The following ZNF33B variants were observed in gnomAD, a reference collection of about 807,000 sequenced individuals.
ZNF33B encodes zinc finger protein 33B.
Under a neutral mutation model 45.8 loss-of-function variants are expected in ZNF33B, and 29 were observed. That is an observed-to-expected ratio of 0.63 (90% CI 0.47 to 0.86). The LOEUF (loss-of-function observed/expected upper bound fraction) is 0.86, where lower values mean the gene tolerates loss of function less well. ZNF33B is among the 40% of genes least tolerant of loss of function. The pLI is 0.00. For missense variants in ZNF33B, 831 were observed against 909.9 expected (o/e 0.91, Z 1.12); for synonymous variants, 305 against 307.8 (o/e 0.99, Z 0.10).
intron 2 of ZNF33B, among the ~76,000 whole-genome samples, chr10:42,635,409 G>A (rs144950208): frequency 3.8e-4 from 58 of 151,786 alleles, no homozygotes; most frequent in African/African-American, 1.3e-3. Flanking sequence ...CTGCAGGAGG[G>A]CTGGCAATGT....
At chr10:42,581,325 G>A (rs1459310599) in intron 1 of ZNF33B, among the ~76,000 whole-genome samples, 7 of 151,938 alleles carry the variant, frequency 4.6e-5, no homozygotes, top group Admixed American at 6.6e-5. Context: ...TTAGCCAGGC[G>A]TGGTGGTATC....
At chr10:42,597,956 C>G (rs1050089062) in intron 4 of ZNF33B, among the ~76,000 whole-genome samples, 6 of 152,120 alleles carry the variant, frequency 3.9e-5, no homozygotes, top group African/African-American at 1.4e-4. Flanking sequence ...CCTGTTTATG[C>G]AGTATATTGC....
At chr10:42,608,762 A>C (rs1395070160) in intron 4 of ZNF33B, among the ~76,000 whole-genome samples, 1 of 152,156 alleles carries the variant, frequency 6.6e-6, no homozygotes, top group Non-Finnish European at 1.5e-5. Flanking sequence ...AGCAAGAAGA[A>C]GGCAGGAAGG....
intron 2 of ZNF33B, among the ~76,000 whole-genome samples, chr10:42,636,650 T>C (rs1451890185): frequency 6.6e-6 from 1 of 152,056 alleles, no homozygotes; most frequent in Non-Finnish European, 1.5e-5. Context: ...GGTGAACACA[T>C]CTCTATTAAA....
At chr10:42,607,346 A>T (rs78649941) in intron 4 of ZNF33B, among the ~76,000 whole-genome samples, 20 of 119,034 alleles carry the variant, frequency 1.7e-4, no homozygotes, top group African/African-American at 5.9e-4. Context: ...CACATAAACA[A>T]ACATAGAGAG....
chr10:42,613,491 T>C (rs991103458), intron 4 of ZNF33B, among the ~76,000 whole-genome samples: 1 of 150,852 alleles, frequency 6.6e-6, no homozygotes, highest in Non-Finnish European at 1.5e-5. Flanking sequence ...GAAGTTGCCA[T>C]GAGCCAAGAT....
chr10:42,608,158 C>T (rs1267441529), intron 4 of ZNF33B, among the ~76,000 whole-genome samples: 1 of 152,094 alleles, frequency 6.6e-6, no homozygotes, highest in Non-Finnish European at 1.5e-5. Flanking sequence ...GGAGACATAA[C>T]AATTCTAAGC....
intron 4 of ZNF33B, among the ~76,000 whole-genome samples, chr10:42,602,161 A>T (rs1837656856): frequency 6.6e-6 from 1 of 152,050 alleles, no homozygotes; most frequent in Non-Finnish European, 1.5e-5. Flanking sequence ...TCCTGAGCTC[A>T]GGAGATCCAC....
At chr10:42,603,415 C>T (rs158372) in intron 4 of ZNF33B, among the ~76,000 whole-genome samples, 4,624 of 152,068 alleles carry the variant, frequency 0.03, 206 homozygotes, top group East Asian at 0.13. Context: ...AGCTAAACCA[C>T]AGACCAACTG....
downstream of ZNF33B, among the ~76,000 whole-genome samples, chr10:42,588,027 C>T (rs1476985260): frequency 3.9e-5 from 6 of 152,196 alleles, no homozygotes; most frequent in Non-Finnish European, 1.5e-5. Context: ...TCTGCATGCA[C>T]AACCCAGGGG....
chr10:42,631,862 C>T, intron 4 of ZNF33B, 67 bp downstream of exon 4: 1 of 1,406,378 alleles, frequency 7.1e-7, no homozygotes, highest in African/African-American at 1.4e-5. Context: ...AGTTGCCAAA[C>T]CCTGAATTAA....
At chr10:42,615,533 A>T (rs1195371860) in intron 4 of ZNF33B, among the ~76,000 whole-genome samples, 2 of 152,288 alleles carry the variant, frequency 1.3e-5, no homozygotes, top group African/African-American at 4.8e-5. Flanking sequence ...ACAGACAGAA[A>T]ATTCAATTTT....
intron 4 of ZNF33B, among the ~76,000 whole-genome samples, chr10:42,598,277 G>C (rs1837480983): frequency 6.6e-6 from 1 of 152,240 alleles, no homozygotes; most frequent in Non-Finnish European, 1.5e-5. Context: ...ACTCAGCCCA[G>C]AAAATTAGTA....
chr10:42,631,178 T>TA (rs1167302215), intron 4 of ZNF33B, among the ~76,000 whole-genome samples: 4 of 152,250 alleles, frequency 2.6e-5, no homozygotes, highest in African/African-American at 9.6e-5. Flanking sequence ...ATAATATACT[T>TA]AGAGACATAA....
intron 4 of ZNF33B, among the ~76,000 whole-genome samples, chr10:42,616,479 T>C (rs1218415587): frequency 6.6e-6 from 1 of 152,090 alleles, no homozygotes; most frequent in East Asian, 1.9e-4. Context: ...TATGTAACAT[T>C]TACTTTTGCT....
rs1177754634 is a variant in ZNF33B, at chr10:42,590,812, T to C, written c.*1801A>G. The C allele has an allele frequency of 6.6e-6, 1 of 152,208 alleles. No individual in the cohort carries two copies. 9.4% of individuals were successfully genotyped at this position (152,208 alleles called of 1,614,324 possible). On this transcript the variant is annotated 3_prime_UTR_variant, in exon 5 of 5. Coordinates refer to ENST00000359467, the MANE Select transcript of ZNF33B (RefSeq NM_006955.3). ...TTTGGTATTAGCAGTATTTGTCTTC[T>C]GTTTTTTCTTAATCTAGCTAGAGGT...
At chr10:42,588,062 T>A (rs1400414408), downstream of ZNF33B, among the ~76,000 whole-genome samples, 1 of 149,316 alleles carries the variant, frequency 6.7e-6, no homozygotes, top group Non-Finnish European at 1.5e-5. Context: ...CAATAGTCTA[T>A]AGGGATGTTC....
intron 4 of ZNF33B, among the ~76,000 whole-genome samples, chr10:42,614,735 C>G (rs1410018494): frequency 1.3e-5 from 2 of 152,122 alleles, no homozygotes; most frequent in African/African-American, 2.4e-5. Flanking sequence ...GCGGGTGGAT[C>G]ATGAGGTCAG....
chr10:42,592,576 G>C lies in ZNF33B; in HGVS notation c.*37C>G. 1 of 1,589,962 alleles carries C rather than the reference G, an allele frequency of 6.3e-7. No individual in the cohort carries two copies. The highest frequency in any genetic ancestry group is 8.6e-7 in the Non-Finnish European group (1 of 1,168,226). On this transcript the variant is annotated 3_prime_UTR_variant, in exon 5 of 5. Transcript: ENST00000359467. ...AGTGTGAAGACTCTGAGGCATTATG[G>C]AGGCTGACTTGTGGCTGGAAATTTC...
Sources: allele counts gnomAD v4.1 joint callset (sites outside exome capture counted in the v4.1 genomes callset), GRCh38; gene constraint gnomAD v4.1.1; transcripts MANE v1.5; gene names NCBI Gene and HGNC (gene_info 2026-07-23, HGNC 2026-07-21).